PCNX2: variants seen among roughly 807,000 people sequenced by gnomAD.
PCNX2 encodes pecanex 2, also known as pecanex-like protein 2.
In PCNX2, 168 loss-of-function variants were observed where a neutral mutation model predicts 223.8. That is an observed-to-expected ratio of 0.75 (90% CI 0.66 to 0.85). The LOEUF is 0.85. Ranked by LOEUF, PCNX2 falls within the 40% of genes least tolerant of loss-of-function variation. The pLI is 0.00. For missense variants in PCNX2, 2,507 were observed against 2,675.5 expected (o/e 0.94, Z 1.39); for synonymous variants, 1,006 against 1,052.6 (o/e 0.96, Z 0.86).
At chr1:233,164,747 A>G (rs1678690084) in intron 17 of PCNX2, among the ~76,000 whole-genome samples, 1 of 152,098 alleles carries the variant, frequency 6.6e-6, no homozygotes, top group African/African-American at 2.4e-5. Flanking sequence ...ATGAACCTGG[A>G]AGACATTATG....
At chr1:233,298,477 G>A (rs1662206841), upstream of PCNX2, among the ~76,000 whole-genome samples, 2 of 152,190 alleles carry the variant, frequency 1.3e-5, no homozygotes, top group South Asian at 2.1e-4. Context: ...CAAAAGTAGA[G>A]GGAGGCAAAG....
chr1:233,030,417 T>C (rs914026066), intron 25 of PCNX2, among the ~76,000 whole-genome samples: 6 of 152,184 alleles, frequency 3.9e-5, no homozygotes, highest in Non-Finnish European at 7.3e-5. Flanking sequence ...ATTTATAGTT[T>C]CATTTTTCTG....
chr1:233,279,430 TTA>T (rs1358517685), intron 1 of PCNX2, among the ~76,000 whole-genome samples: 11 of 149,100 alleles, frequency 7.4e-5, no homozygotes, highest in African/African-American at 1.7e-4. Context: ...TGTAAAATAT[TTA>T]TATATATGTG....
chr1:233,147,712 G>T (rs1174193036), intron 19 of PCNX2, among the ~76,000 whole-genome samples: 3 of 152,218 alleles, frequency 2.0e-5, no homozygotes, highest in African/African-American at 7.2e-5. Flanking sequence ...GACTTGGACT[G>T]TAAGTACCAT....
chr1:233,053,133 T>G (rs969572057), intron 25 of PCNX2, among the ~76,000 whole-genome samples: 7 of 151,950 alleles, frequency 4.6e-5, no homozygotes, highest in African/African-American at 1.7e-4. Flanking sequence ...CCTACATGGT[T>G]CCCCATAACA....
intron 32 of PCNX2, among the ~76,000 whole-genome samples, chr1:232,995,026 C>G (rs148705005): frequency 6.6e-6 from 1 of 152,172 alleles, no homozygotes; most frequent in African/African-American, 2.4e-5. Flanking sequence ...GAGGGTGAAA[C>G]TGCCTGCATC....
intron 20 of PCNX2, among the ~76,000 whole-genome samples, chr1:233,136,422 G>A (rs1042682750): frequency 6.6e-6 from 1 of 152,166 alleles, no homozygotes; most frequent in African/African-American, 2.4e-5. Flanking sequence ...TACAATGTTG[G>A]AAATTCCGTA....
At chr1:233,146,653 A>G (rs987146525) in intron 19 of PCNX2, among the ~76,000 whole-genome samples, 2 of 152,198 alleles carry the variant, frequency 1.3e-5, no homozygotes, top group Non-Finnish European at 2.9e-5. Flanking sequence ...AACCTTAGCT[A>G]TATTCCTGCA....
At chr1:233,058,129 C>T in intron 23 of PCNX2, 1 of 864,520 alleles carries the variant, frequency 1.2e-6, no homozygotes, top group South Asian at 5.3e-5. Flanking sequence ...ATGTAAACAC[C>T]CCTCAGTGCA....
At chr1:233,095,549 G>A (rs1674110219) in intron 22 of PCNX2, 2 of 579,806 alleles carry the variant, frequency 3.4e-6, no homozygotes, top group Non-Finnish European at 6.2e-6. Context: ...TCCTGAATAT[G>A]CATTAAGAAG....
upstream of PCNX2, among the ~76,000 whole-genome samples, chr1:233,295,966 CTCTT>C (rs1553334201): frequency 3.8e-4 from 55 of 145,866 alleles, no homozygotes; most frequent in East Asian, 2.2e-3. This position sits in a 1 kb window ranked among gnomAD's most constrained non-coding sequence, Gnocchi z 4.1. Flanking sequence ...CTCTCTCTCT[CTCTT>C]TCTTTCTCGC....
At chr1:233,304,563 G>A in the PCNX2 span, among the ~76,000 whole-genome samples, 1 of 152,226 alleles carries the variant, frequency 6.6e-6, no homozygotes, top group South Asian at 2.1e-4. Context: ...TTCAGACAGT[G>A]AAATGTGAAA....
At chr1:233,180,883 C>T (rs1406719516) in intron 15 of PCNX2, 1 of 152,310 alleles carries the variant, frequency 6.6e-6, no homozygotes, top group East Asian at 1.9e-4. Flanking sequence ...CTGCATGCCT[C>T]TCAGATCAGC....
chr1:233,113,878 A>G (rs1166037217), intron 21 of PCNX2, among the ~76,000 whole-genome samples: 1 of 152,234 alleles, frequency 6.6e-6, no homozygotes, highest in African/African-American at 2.4e-5. Flanking sequence ...AGTTCAAGTC[A>G]GCCTCTGTAA....
chr1:232,986,631 C>A, intron 32 of PCNX2, 91 bp from the exon 33 acceptor site: 1 of 1,215,224 alleles, frequency 8.2e-7, no homozygotes, highest in Middle Eastern at 2.8e-4. Context: ...TCTGCCTGGG[C>A]CCAAGGACCC....
intron 24 of PCNX2, among the ~76,000 whole-genome samples, chr1:233,056,491 C>A (rs1672195047): frequency 6.6e-6 from 1 of 152,202 alleles, no homozygotes; most frequent in Non-Finnish European, 1.5e-5. Flanking sequence ...AGCTGCACCT[C>A]AGAGATATCA....
chr1:233,274,802 G>C (rs1660825958), intron 1 of PCNX2, among the ~76,000 whole-genome samples: 1 of 152,200 alleles, frequency 6.6e-6, no homozygotes. Context: ...GAAGCAAGTG[G>C]TAAGAAATGA....
Position 232,984,103 on chromosome 1 carries a change from GT to G in PCNX2, c.*200del. The stretch of plus-strand genomic sequence containing the variant: ...CATGTGAGGTTTTTTTGTTGTTGTT[GT>G]TTGATTTTTTTTTTTTTTTTTTTTT... On this transcript the variant is annotated 3_prime_UTR_variant, in exon 34 of 34. Coordinates refer to ENST00000258229, the MANE Select transcript of PCNX2 (RefSeq NM_014801.4). 2.9e-6 allele frequency: 1 copy of G among 345,146 alleles called. No individual in the cohort carries two copies. Among genetic ancestry groups the G allele is most frequent in the South Asian group, 8.2e-5 (1 of 12,212 alleles). The allele number at this position is 345,146 out of a possible 1,614,324, so 21.4% of individuals were successfully genotyped here.
chr1:232,998,263 T>C lies in PCNX2; in HGVS notation c.5779A>G (p.Thr1927Ala), dbSNP rs1669946488. The change falls in exon 32 of 34, where the codon ACA (threonine) becomes GCA (alanine). Residue 1927 changes from threonine to alanine, a missense_variant. Coordinates refer to ENST00000258229, the MANE Select transcript of PCNX2 (RefSeq NM_014801.4). ...AQHGVSSCEG[T>A]QRTGRRKGRS... Reference sequence around the variant, plus strand: ...CTGCTGCACCCACCTGTTCTCTGTGTCCCTTCACAGGATGACACCCCGTGC... The same window carrying C: ...CTGCTGCACCCACCTGTTCTCTGTGCCCCTTCACAGGATGACACCCCGTGC... 1.3e-6 allele frequency: 2 copies of C among 1,579,324 alleles called. No homozygotes were observed. Among genetic ancestry groups the C allele is most frequent in the Admixed American group, 3.7e-5 (2 of 54,076 alleles).
Sources: gnomAD v4.1 joint callset for allele counts (sites outside exome capture counted in the v4.1 genomes callset) on GRCh38, gnomAD v4.1.1 for gene constraint, Gnocchi (gnomAD v3.1) non-coding constraint, MANE v1.5 for transcripts, NCBI Gene and HGNC (gene_info 2026-07-23, HGNC 2026-07-21) for gene names.